The following PHLDB2 variants were observed in gnomAD, a reference collection of about 807,000 sequenced individuals.
PHLDB2 encodes pleckstrin homology-like domain family B member 2.
In PHLDB2, 71 loss-of-function variants were observed where a neutral mutation model predicts 123.6. That is an observed-to-expected ratio of 0.57 (90% confidence interval 0.47 to 0.70). The LOEUF is 0.70. PHLDB2 is among the 30% of genes least tolerant of loss of function. The pLI, the probability that PHLDB2 is intolerant of heterozygous loss-of-function variation, is 0.00. For synonymous variants in PHLDB2, 547 were observed against 541.6 expected (o/e 1.01, Z -0.14); for missense variants, 1,446 against 1,519.5 (o/e 0.95, Z 0.80).
chr3:111,740,979 A>C (rs1464745315), intron 1 of PHLDB2, among the ~76,000 whole-genome samples: 10 of 152,038 alleles, frequency 6.6e-5, no homozygotes, highest in Admixed American at 6.5e-4. Context: ...CAATGATGAC[A>C]AGGTGCTGAA....
chr3:111,770,508 AAGTT>A (rs1301063178), intron 1 of PHLDB2, among the ~76,000 whole-genome samples: 1 of 152,200 alleles, frequency 6.6e-6, no homozygotes, highest in African/African-American at 2.4e-5. Flanking sequence ...TCTCTTGTCT[AAGTT>A]AGTGCAACAC....
rs181131382 is a variant in PHLDB2, at chr3:111,960,680, A to G, written c.2873-1428A>G. Among the ~76,000 whole-genome samples, 749 of 152,326 alleles carry G rather than the reference A, an allele frequency of 4.9e-3. 3 individuals carry two copies. The highest frequency in any genetic ancestry group is 8.0e-3 in the Admixed American group (123 of 15,290). On this transcript the variant is annotated intron_variant, in intron 12 of 17. Coordinates refer to ENST00000431670, the MANE Select transcript of PHLDB2 (RefSeq NM_001134438.2). The stretch of plus-strand genomic sequence containing the variant: ...CTATTGACCATTTCATTATTACTAA[A>G]ACTTTCATTGAAAGGTAGGTAGAGC...
intron 1 of PHLDB2, among the ~76,000 whole-genome samples, chr3:111,870,968 T>G (rs1576951235): frequency 6.6e-6 from 1 of 152,192 alleles, no homozygotes; most frequent in African/African-American, 2.4e-5. Context: ...GAGTATAGAC[T>G]CAAACTTTGT....
At chr3:111,857,355 G>A (rs2064558196), upstream of PHLDB2, among the ~76,000 whole-genome samples, 2 of 151,878 alleles carry the variant, frequency 1.3e-5, no homozygotes, top group Non-Finnish European at 2.9e-5. Flanking sequence ...GGAGGCTGAA[G>A]TGGGAGGATC....
chr3:111,919,393 C>T (rs1577083362), intron 4 of PHLDB2, among the ~76,000 whole-genome samples, 178 bp downstream of exon 4: 2 of 151,158 alleles, frequency 1.3e-5, no homozygotes, highest in Admixed American at 1.3e-4. Flanking sequence ...TTTTTTCTTT[C>T]TTTTTTTTTC....
chr3:111,971,709 A>G (rs1435366840), intron 16 of PHLDB2, among the ~76,000 whole-genome samples: 1 of 152,098 alleles, frequency 6.6e-6, no homozygotes, highest in Non-Finnish European at 1.5e-5. Context: ...CCAGATCGCA[A>G]TTTACGCTGT....
chr3:111,911,578 A>T, intron 2 of PHLDB2: 2 of 1,524,554 alleles, frequency 1.3e-6, no homozygotes, highest in East Asian at 4.9e-5. Flanking sequence ...TGGAAACTGA[A>T]GAGATAAATA....
At chr3:111,861,274 T>G (rs2064824537) in intron 1 of PHLDB2, among the ~76,000 whole-genome samples, 1 of 152,260 alleles carries the variant, frequency 6.6e-6, no homozygotes, top group South Asian at 2.1e-4. Flanking sequence ...CAGTTCTGTC[T>G]ATTCTTGGCT....
chr3:111,928,033 A>G (rs112682443), intron 5 of PHLDB2, among the ~76,000 whole-genome samples: 3,055 of 152,314 alleles, frequency 0.02, 100 homozygotes, highest in African/African-American at 0.068. Flanking sequence ...TGCAAGTTCA[A>G]ATTCTTTAGT....
chr3:111,907,934 A>C (rs1282957), intron 2 of PHLDB2, among the ~76,000 whole-genome samples: 58,975 of 151,954 alleles, frequency 0.39, 11,911 homozygotes, highest in East Asian at 0.71. Flanking sequence ...GTAGCTGAGA[A>C]TACAGGCATG....
At chr3:111,973,896 T>C (rs2072381380) in intron 17 of PHLDB2, 79 bp downstream of exon 17, 10 of 859,896 alleles carry the variant, frequency 1.2e-5, no homozygotes, top group Non-Finnish European at 1.7e-5. Flanking sequence ...TCTAAGAAGT[T>C]TGAAATTGAT....
chr3:111,816,494 GC>G (rs779235374), intron 1 of PHLDB2, among the ~76,000 whole-genome samples: 15 of 152,162 alleles, frequency 9.9e-5, no homozygotes, highest in Admixed American at 3.3e-4. Context: ...AGATTTGACT[GC>G]CCCACTGGAT....
intron 1 of PHLDB2, among the ~76,000 whole-genome samples, chr3:111,874,966 A>G (rs1176174497): frequency 1.3e-5 from 2 of 152,198 alleles, no homozygotes; most frequent in Non-Finnish European, 2.9e-5. Context: ...GCAAACATCT[A>G]GAGACTTTTT....
intron 2 of PHLDB2, 65 bp from the exon 3 acceptor site, chr3:111,913,253 CT>C: frequency 6.7e-7 from 1 of 1,488,040 alleles, no homozygotes; most frequent in Non-Finnish European, 9.0e-7. Flanking sequence ...CCTCTTCAGT[CT>C]TTTTATTTGG....
chr3:111,887,901 A>G (rs186391486), intron 2 of PHLDB2, among the ~76,000 whole-genome samples: 43 of 152,288 alleles, frequency 2.8e-4, no homozygotes, highest in Admixed American at 2.7e-3. Context: ...ACAAGGTTCT[A>G]AAACTGTCTT....
intron 16 of PHLDB2, among the ~76,000 whole-genome samples, chr3:111,973,413 T>C (rs1202344263): frequency 6.6e-6 from 1 of 152,224 alleles, no homozygotes; most frequent in Non-Finnish European, 1.5e-5. Context: ...TCATTTGTAT[T>C]GGTGCTGTTA....
chr3:111,751,380 T>G (rs567172896), intron 1 of PHLDB2, among the ~76,000 whole-genome samples: 16 of 152,316 alleles, frequency 1.1e-4, no homozygotes, highest in African/African-American at 3.8e-4. Context: ...TTCAAGCATT[T>G]GATGACCTAT....
intron 16 of PHLDB2, among the ~76,000 whole-genome samples, chr3:111,973,033 G>T (rs943952434): frequency 6.6e-6 from 1 of 152,140 alleles, no homozygotes; most frequent in Non-Finnish European, 1.5e-5. Flanking sequence ...ATGCTGACAC[G>T]CACTGTGATC....
intron 1 of PHLDB2, among the ~76,000 whole-genome samples, chr3:111,773,035 G>A (rs2060205254): frequency 6.6e-6 from 1 of 152,124 alleles, no homozygotes; most frequent in South Asian, 2.1e-4. Flanking sequence ...AAGTATAGAA[G>A]CAAACAACTT....
Sources: gnomAD v4.1 joint callset for allele counts (sites outside exome capture counted in the v4.1 genomes callset) on GRCh38, gnomAD v4.1.1 for gene constraint, MANE v1.5 for transcripts, NCBI Gene and HGNC (gene_info 2026-07-23, HGNC 2026-07-21) for gene names.